The following CADM2 variants were observed in gnomAD, a reference collection of about 807,000 sequenced individuals.
The protein encoded by CADM2 is cell adhesion molecule 2, also known as immunoglobulin superfamily member 4D.
Under a neutral mutation model 49.8 loss-of-function variants are expected in CADM2, and 12 were observed. The ratio of observed to expected loss-of-function variants is 0.24; its 90% CI spans 0.15 to 0.39. CADM2 has a LOEUF of 0.39. CADM2 is among the 10% of genes least tolerant of loss of function. The pLI, the probability that CADM2 is intolerant of heterozygous loss-of-function variation, is 1.00. For missense variants in CADM2, 378 were observed against 492.3 expected, an observed-to-expected ratio of 0.77 and a Z score of 2.20; for synonymous variants, 214 against 175.4, an observed-to-expected ratio of 1.22 and a Z score of -1.74.
At chr3:85,556,269 G>A (rs927853727) in intron 1 of CADM2, among the ~76,000 whole-genome samples, 1 of 152,074 alleles carries the variant, frequency 6.6e-6, no homozygotes, top group Non-Finnish European at 1.5e-5. Flanking sequence ...GGGGGAGGTT[G>A]GTCATCCTAT....
chr3:85,901,284 T>G (rs942965958), intron 5 of CADM2, among the ~76,000 whole-genome samples: 1 of 152,230 alleles, frequency 6.6e-6, no homozygotes, highest in Non-Finnish European at 1.5e-5. Flanking sequence ...GATGTCTTAG[T>G]GTAGCAGTAT....
intron 1 of CADM2, among the ~76,000 whole-genome samples, chr3:85,004,630 T>C (rs1160668538): frequency 7.3e-6 from 1 of 137,022 alleles, no homozygotes; most frequent in African/African-American, 2.7e-5. Context: ...AGCTGGTGAT[T>C]TGAAGGAGTG....
At chr3:85,840,274 T>C (rs975481413) in intron 3 of CADM2, among the ~76,000 whole-genome samples, 18 of 151,886 alleles carry the variant, frequency 1.2e-4, no homozygotes, top group Admixed American at 2.0e-4. Flanking sequence ...TTTTGAACCA[T>C]GTTTCTGTTT....
At chr3:85,053,463 G>C (rs1022689391) in intron 1 of CADM2, among the ~76,000 whole-genome samples, 2 of 151,986 alleles carry the variant, frequency 1.3e-5, no homozygotes, top group Non-Finnish European at 2.9e-5. Flanking sequence ...GGAGTGTTAA[G>C]TTAGAAGACA....
intron 1 of CADM2, among the ~76,000 whole-genome samples, chr3:85,299,357 G>A (rs750999539): frequency 2.6e-4 from 40 of 151,898 alleles, no homozygotes; most frequent in Non-Finnish European, 7.4e-5. Context: ...GCTTTTTATC[G>A]TTTTTAGGAT....
At chr3:85,477,317 T>C (rs1278849832) in intron 1 of CADM2, among the ~76,000 whole-genome samples, 1 of 151,408 alleles carries the variant, frequency 6.6e-6, no homozygotes, top group African/African-American at 2.4e-5. Context: ...CTATTAATAG[T>C]TCTTTACTTC....
At chr3:85,441,910 G>T (rs1311414228) in intron 1 of CADM2, among the ~76,000 whole-genome samples, 1 of 152,078 alleles carries the variant, frequency 6.6e-6, no homozygotes, top group Non-Finnish European at 1.5e-5. Context: ...GAACAAAGAA[G>T]AGAGGTGGAA....
At chr3:84,961,894 T>C (rs1437867885) in intron 1 of CADM2, among the ~76,000 whole-genome samples, 1 of 152,172 alleles carries the variant, frequency 6.6e-6, no homozygotes, top group African/African-American at 2.4e-5. Flanking sequence ...GTCTATTCAG[T>C]GCAGTGCGAA....
At chr3:85,571,349 A>G (rs1403935961) in intron 1 of CADM2, among the ~76,000 whole-genome samples, 1 of 152,022 alleles carries the variant, frequency 6.6e-6, no homozygotes, top group African/African-American at 2.4e-5. Flanking sequence ...ACTTAGTGCA[A>G]TAGAATTATG....
At chr3:85,835,156 C>T (rs1232029932) in intron 3 of CADM2, among the ~76,000 whole-genome samples, 5 of 151,654 alleles carry the variant, frequency 3.3e-5, no homozygotes, top group South Asian at 2.1e-4. Flanking sequence ...AGGCTTTAAT[C>T]TGCCACAGCT....
At chr3:85,990,041 A>G (rs1173098153) in intron 8 of CADM2, among the ~76,000 whole-genome samples, 2 of 149,076 alleles carry the variant, frequency 1.3e-5, no homozygotes, top group African/African-American at 5.0e-5. Flanking sequence ...AAAAAAAAAA[A>G]AAAGAAGACT....
At chr3:85,120,165 T>A (rs980628305) in intron 1 of CADM2, among the ~76,000 whole-genome samples, 2 of 152,210 alleles carry the variant, frequency 1.3e-5, no homozygotes, top group African/African-American at 2.4e-5. Flanking sequence ...AGAATGGCAA[T>A]CATTAAAAGT....
At chr3:85,119,055 T>C (rs753532364) in intron 1 of CADM2, among the ~76,000 whole-genome samples, 1 of 152,180 alleles carries the variant, frequency 6.6e-6, no homozygotes, top group Non-Finnish European at 1.5e-5. Context: ...AGCCTGTCCA[T>C]TTATTTTTAC....
intron 1 of CADM2, among the ~76,000 whole-genome samples, chr3:85,048,558 A>G (rs1576112354): frequency 6.6e-6 from 1 of 152,202 alleles, no homozygotes; most frequent in Admixed American, 6.5e-5. Flanking sequence ...GCAATAATCA[A>G]GCCTAGGTAC....
intron 3 of CADM2, among the ~76,000 whole-genome samples, chr3:85,847,758 A>T (rs887615163): frequency 1.3e-4 from 20 of 152,156 alleles, no homozygotes; most frequent in African/African-American, 4.6e-4. Context: ...TAAAAGGCCC[A>T]TTAATGGATA....
At chr3:85,561,489 A>G (rs1385838609) in intron 1 of CADM2, among the ~76,000 whole-genome samples, 1 of 152,226 alleles carries the variant, frequency 6.6e-6, no homozygotes, top group Non-Finnish European at 1.5e-5. Context: ...TTATTAGTTT[A>G]GAGACTCCCC....
At chr3:86,062,306 A>G (rs1335770594) in intron 8 of CADM2, among the ~76,000 whole-genome samples, 1 of 152,180 alleles carries the variant, frequency 6.6e-6, no homozygotes, top group Non-Finnish European at 1.5e-5. Flanking sequence ...CAGAAATATG[A>G]CAGGTTTATT....
chr3:85,195,542 GACACACAC>G (rs71108270), intron 1 of CADM2, among the ~76,000 whole-genome samples: 29 of 146,866 alleles, frequency 2.0e-4, no homozygotes, highest in African/African-American at 5.8e-4. Flanking sequence ...AAACCAGCAA[GACACACAC>G]ACACACACAC....
intron 1 of CADM2, among the ~76,000 whole-genome samples, chr3:85,034,789 G>GTTTTTTTTTTT (rs2035137941): frequency 1.0e-5 from 1 of 99,366 alleles, no homozygotes; most frequent in Admixed American, 1.2e-4. Flanking sequence ...AAGACATTTT[G>GTTTTTTTTTTT]CTTTTTTTTT....
Sources: allele counts gnomAD v4.1 joint callset (sites outside exome capture counted in the v4.1 genomes callset), GRCh38; gene constraint gnomAD v4.1.1; transcripts MANE v1.5; gene names NCBI Gene and HGNC (gene_info 2026-07-23, HGNC 2026-07-21).